The following CACNA2D1 variants were observed in gnomAD, a reference collection of about 807,000 sequenced individuals.
CACNA2D1 encodes the protein calcium voltage-gated channel auxiliary subunit alpha2delta 1.
A neutral mutation model predicts 171.5 loss-of-function variants in CACNA2D1; 53 were observed. The ratio of observed to expected loss-of-function variants is 0.31; its 90% CI spans 0.25 to 0.39. The LOEUF (loss-of-function observed/expected upper bound fraction) is 0.39, where lower values mean the gene tolerates loss of function less well. Among genes scored for constraint, CACNA2D1 ranks in the 10% least tolerant of loss-of-function variants. The pLI is 1.00. For missense variants in CACNA2D1, 903 were observed against 1,299.8 expected (o/e 0.69, Z 4.69); for synonymous variants, 442 against 443.1 (o/e 1.00, Z 0.03).
At chr7:81,966,806 G>A (rs1445846560) in intron 31 of CACNA2D1, among the ~76,000 whole-genome samples, 5 of 151,364 alleles carry the variant, frequency 3.3e-5, no homozygotes, top group Admixed American at 2.0e-4. Flanking sequence ...AAGTGTGATA[G>A]GTGAGAGAAA....
chr7:82,413,395 C>G (rs1827866299), intron 1 of CACNA2D1, among the ~76,000 whole-genome samples: 1 of 152,228 alleles, frequency 6.6e-6, no homozygotes, highest in South Asian at 2.1e-4. Context: ...AGTGCCTCTT[C>G]AGAGTCTTCC....
chr7:82,085,615 C>T (rs1810371462), intron 6 of CACNA2D1, among the ~76,000 whole-genome samples: 1 of 151,386 alleles, frequency 6.6e-6, no homozygotes. Flanking sequence ...GGAAAATTTA[C>T]TCAGAGGCTT....
intron 6 of CACNA2D1, among the ~76,000 whole-genome samples, chr7:82,106,362 A>T (rs372013385): frequency 6.6e-6 from 1 of 151,928 alleles, no homozygotes; most frequent in African/African-American, 2.4e-5. Flanking sequence ...AGCTATTTTA[A>T]TTTAAGATTA....
At chr7:82,309,053 T>C (rs561204006) in intron 3 of CACNA2D1, among the ~76,000 whole-genome samples, 2 of 152,204 alleles carry the variant, frequency 1.3e-5, no homozygotes, top group African/African-American at 4.8e-5. Flanking sequence ...ATCTGTTATG[T>C]ATATGTGATA....
At chr7:82,093,049 GC>G (rs1453422165) in intron 6 of CACNA2D1, among the ~76,000 whole-genome samples, 1 of 151,916 alleles carries the variant, frequency 6.6e-6, no homozygotes, top group Non-Finnish European at 1.5e-5. Flanking sequence ...TTCTGGTGAG[GC>G]CTTTTTCTAA....
chr7:82,276,719 T>C (rs1044981245), intron 3 of CACNA2D1, among the ~76,000 whole-genome samples: 2 of 152,122 alleles, frequency 1.3e-5, no homozygotes, highest in Admixed American at 6.5e-5. Flanking sequence ...GATGGATACA[T>C]TGACATCCAT....
chr7:82,358,309 G>A (rs1395885433), intron 1 of CACNA2D1, among the ~76,000 whole-genome samples: 1 of 152,134 alleles, frequency 6.6e-6, no homozygotes, highest in African/African-American at 2.4e-5. Flanking sequence ...CGCTAAATAT[G>A]CTTTTCTTAT....
Position 81,970,711 on chromosome 7 carries a change from A to G in CACNA2D1, c.2168T>C (p.Val723Ala). 6.3e-7 allele frequency: 1 copy of G among 1,594,922 alleles called. No homozygotes were observed. Among genetic ancestry groups the G allele is most frequent in the Non-Finnish European group, 8.6e-7 (1 of 1,163,122 alleles). The change falls in exon 27 of 39, where the codon GTG becomes GCG. Residue 723 changes from valine (V) to alanine (A), a missense_variant. By Grantham distance (64) the Val-to-Ala change is moderately conservative. Coordinates refer to ENST00000356860, the MANE Select transcript of CACNA2D1 (RefSeq NM_000722.4). ...AACTCTGGTAATCCCACCATCAGTC[A>G]CAACAAATCGTGCTTTCACTCCCTT... ...NIKGVKARFV[V>A]TDGGITRVYP... is the part of the protein sequence containing the mutation.
intron 2 of CACNA2D1, among the ~76,000 whole-genome samples, chr7:82,339,202 T>A (rs1585561512): frequency 6.6e-6 from 1 of 152,222 alleles, no homozygotes; most frequent in Non-Finnish European, 1.5e-5. Flanking sequence ...TGAAAGAGGC[T>A]AACCTTCAAG....
intron 22 of CACNA2D1, among the ~76,000 whole-genome samples, chr7:81,983,859 G>A (rs1186441402): frequency 1.3e-5 from 2 of 152,166 alleles, no homozygotes; most frequent in Non-Finnish European, 1.5e-5. Context: ...AAGATCAGAT[G>A]TAAAATATAT....
At chr7:82,152,065 T>C (rs1793911229) in intron 4 of CACNA2D1, among the ~76,000 whole-genome samples, 1 of 152,014 alleles carries the variant, frequency 6.6e-6, no homozygotes, top group Non-Finnish European at 1.5e-5. Context: ...TGAGATTATA[T>C]CTAAGCTTTA....
intron 38 of CACNA2D1, among the ~76,000 whole-genome samples, chr7:81,957,426 C>CAAAAACTAAGAAAAATTAGAG (rs1214835944): frequency 6.6e-6 from 1 of 151,780 alleles, no homozygotes; most frequent in African/African-American, 2.4e-5. Context: ...AAGCCAAAAA[C>CAAAAACTAAGAAAAATTAGAG]AAAAACTAAG....
At chr7:82,439,753 A>G (rs1314972051) in intron 1 of CACNA2D1, among the ~76,000 whole-genome samples, 1 of 151,626 alleles carries the variant, frequency 6.6e-6, no homozygotes, top group Non-Finnish European at 1.5e-5. Flanking sequence ...ATTTTAAAAC[A>G]TACATCTGTG....
intron 18 of CACNA2D1, among the ~76,000 whole-genome samples, chr7:82,002,042 A>AAAAG (rs1345439249): frequency 3.5e-4 from 50 of 140,910 alleles, no homozygotes; most frequent in African/African-American, 5.1e-4. Context: ...AAAAAAAAAA[A>AAAAG]AGAGAGAGAG....
In CACNA2D1 at chr7:81,984,653, T is replaced by A. The variant is rs747902485; in HGVS notation, c.1855A>T (p.Thr619Ser). The A allele has an allele frequency of 4.5e-6, 7 of 1,569,462 alleles. No individual in the cohort carries two copies. Among genetic ancestry groups the A allele is most frequent in the Admixed American group, 3.6e-5 (2 of 55,736 alleles). The change falls in exon 22 of 39, where the codon ACA becomes TCA. Residue 619 changes from threonine (T) to serine (S), a missense_variant. Physicochemically the swap from Thr to Ser is moderately conservative, Grantham distance 58. Coordinates refer to ENST00000356860, the MANE Select transcript of CACNA2D1 (RefSeq NM_000722.4). ...TACTTACATCTGGCCTGAGTTATTG[T>A]CTCTTCTAGTTTGGCTTTTATATAG... ...FYYIKAKLEE[T>S]ITQARSKKGK...
intron 24 of CACNA2D1, among the ~76,000 whole-genome samples, chr7:81,978,543 C>T (rs1192671347): frequency 6.6e-6 from 1 of 151,776 alleles, no homozygotes; most frequent in Admixed American, 6.6e-5. Context: ...AACACATGGA[C>T]ACCAGGGAGG....
At chr7:82,058,963 T>A (rs146288824) in intron 10 of CACNA2D1, among the ~76,000 whole-genome samples, 1,549 of 152,206 alleles carry the variant, frequency 0.01, 26 homozygotes, top group African/African-American at 0.035. Flanking sequence ...CTAAAAACAT[T>A]TCAGGGATAA....
At chr7:82,093,730 C>T (rs1160106453) in intron 6 of CACNA2D1, among the ~76,000 whole-genome samples, 1 of 152,058 alleles carries the variant, frequency 6.6e-6, no homozygotes. Context: ...AATAGTCGCA[C>T]TAAGATTCTA....
At chr7:82,095,143 A>G (rs1811702647) in intron 6 of CACNA2D1, among the ~76,000 whole-genome samples, 1 of 152,098 alleles carries the variant, frequency 6.6e-6, no homozygotes, top group Non-Finnish European at 1.5e-5. Flanking sequence ...TCCTGCCTCA[A>G]ATGTCATTCT....
Sources: allele counts gnomAD v4.1 joint callset (sites outside exome capture counted in the v4.1 genomes callset), GRCh38; gene constraint gnomAD v4.1.1; transcripts MANE v1.5; gene names NCBI Gene and HGNC (gene_info 2026-07-23, HGNC 2026-07-21).